ADAMTSL1: variants seen among roughly 807,000 people sequenced by gnomAD.
The protein encoded by ADAMTSL1 is ADAMTS like 1.
ADAMTSL1 carries 126 observed loss-of-function variants against 201.8 expected under a neutral mutation model. That is an observed-to-expected ratio of 0.62 (90% CI 0.54 to 0.72). The LOEUF is 0.72. Ranked by LOEUF, ADAMTSL1 falls within the 30% of genes least tolerant of loss-of-function variation. The pLI, the probability that ADAMTSL1 is intolerant of heterozygous loss-of-function variation, is 0.00. For missense variants in ADAMTSL1, 2,679 were observed against 2,277.8 expected (o/e 1.18, Z -3.59); for synonymous variants, 1,121 against 903.4 (o/e 1.24, Z -4.32).
At chr9:18,113,892 C>T (rs77888090) in intron 1 of ADAMTSL1, among the ~76,000 whole-genome samples, 2,473 of 152,076 alleles carry the variant, frequency 0.016, 77 homozygotes, top group African/African-American at 0.057. Flanking sequence ...AACTGAGGCA[C>T]AGAAAAGTGA....
At chr9:18,263,294 CATT>C (rs1831992767) in intron 2 of ADAMTSL1, among the ~76,000 whole-genome samples, 1 of 152,162 alleles carries the variant, frequency 6.6e-6, no homozygotes, top group Non-Finnish European at 1.5e-5. Context: ...GGAGATCTAA[CATT>C]ATTGAAACTC....
chr9:18,373,004 A>C (rs1227002181), intron 2 of ADAMTSL1, among the ~76,000 whole-genome samples: 1 of 152,204 alleles, frequency 6.6e-6, no homozygotes, highest in Admixed American at 6.5e-5. Context: ...TGAGGCTGGT[A>C]TCAGGGAAAG....
intron 2 of ADAMTSL1, among the ~76,000 whole-genome samples, chr9:18,394,744 A>G (rs888512589): frequency 5.3e-5 from 8 of 152,140 alleles, no homozygotes; most frequent in South Asian, 2.1e-4. Flanking sequence ...ATAGTTACCA[A>G]CTCTCCACTT....
intron 2 of ADAMTSL1, among the ~76,000 whole-genome samples, chr9:18,227,584 T>C (rs115848767): frequency 0.013 from 1,922 of 152,294 alleles, 37 homozygotes; most frequent in African/African-American, 0.044. Flanking sequence ...AAGATGGCCA[T>C]TTGTCCCCAG....
At chr9:17,947,770 G>A (rs539094760) in intron 1 of ADAMTSL1, among the ~76,000 whole-genome samples, 2 of 152,248 alleles carry the variant, frequency 1.3e-5, no homozygotes, top group African/African-American at 4.8e-5. Flanking sequence ...TAATGGCATT[G>A]CTTCATTTTT....
At chr9:18,809,030 G>A (rs72690587) in intron 20 of ADAMTSL1, among the ~76,000 whole-genome samples, 37,140 of 152,090 alleles carry the variant, frequency 0.24, 4,657 homozygotes, top group East Asian at 0.36. Flanking sequence ...TCTACTAGGC[G>A]CCAGGCCTAG....
intron 2 of ADAMTSL1, among the ~76,000 whole-genome samples, chr9:18,357,385 C>T (rs764849206): frequency 2.0e-5 from 3 of 151,998 alleles, no homozygotes; most frequent in Non-Finnish European, 2.9e-5. Flanking sequence ...TAATATGTTC[C>T]GTTTCACTTC....
rs373722967 is a variant in ADAMTSL1 at position 18,185,606 on chromosome 9, G to A, written c.207+21625G>A. Reference sequence around the variant, plus strand: ...AACAAAGACATTGCTACTTGAATCAGGTAGGTACTGATAGCAACGAGAGAA... The same window carrying A: ...AACAAAGACATTGCTACTTGAATCAAGTAGGTACTGATAGCAACGAGAGAA... On this transcript the variant is annotated intron_variant, in intron 2 of 29. Coordinates refer to the ADAMTSL1 transcript ENST00000680146. Among the ~76,000 whole-genome samples the A allele has an allele frequency of 6.6e-5, 10 of 152,206 alleles. No homozygotes were observed. The South Asian group carries it at 2.1e-3, about 32-fold the overall frequency.
At chr9:18,403,688 A>G (rs1165924958) in intron 2 of ADAMTSL1, among the ~76,000 whole-genome samples, 3 of 152,294 alleles carry the variant, frequency 2.0e-5, no homozygotes, top group East Asian at 3.9e-4. Context: ...GAGATCTGTG[A>G]TAGGTACAAT....
intron 2 of ADAMTSL1, among the ~76,000 whole-genome samples, chr9:18,508,337 T>C (rs1039995733): frequency 7.2e-5 from 11 of 152,170 alleles, no homozygotes; most frequent in African/African-American, 2.7e-4. Flanking sequence ...AGCCCTGTAT[T>C]TTCTCCTTTT....
intron 2 of ADAMTSL1, among the ~76,000 whole-genome samples, chr9:18,205,915 A>T: frequency 6.6e-6 from 1 of 151,888 alleles, no homozygotes; most frequent in Middle Eastern, 3.2e-3. Flanking sequence ...TTAGCCAGGC[A>T]TGATGGCATG....
chr9:18,254,785 G>GTATATA (rs1831618563), intron 2 of ADAMTSL1, among the ~76,000 whole-genome samples: 1 of 151,704 alleles, frequency 6.6e-6, no homozygotes, highest in African/African-American at 2.4e-5. Flanking sequence ...TATGTATAAA[G>GTATATA]TTATTAGCTA....
At chr9:18,836,490 G>T (rs1825315485) in intron 23 of ADAMTSL1, among the ~76,000 whole-genome samples, 1 of 151,958 alleles carries the variant, frequency 6.6e-6, no homozygotes, top group African/African-American at 2.4e-5. Context: ...GAACTGTTTT[G>T]GTTACTGTAG....
At chr9:18,629,373 G>A (rs1325186285) in intron 5 of ADAMTSL1, among the ~76,000 whole-genome samples, 1 of 152,090 alleles carries the variant, frequency 6.6e-6, no homozygotes, top group African/African-American at 2.4e-5. Context: ...TATGATGTTA[G>A]CTGTAGGTTT....
chr9:18,777,218 C>G lies in ADAMTSL1; in HGVS notation c.2989C>G (p.His997Asp), dbSNP rs200222226. Residue 997 changes from histidine to aspartate, a missense_variant, in exon 19 of 29, where the codon CAC (histidine) becomes GAC (aspartate). Coordinates refer to ENST00000380548, the MANE Select transcript of ADAMTSL1 (RefSeq NM_001040272.6). ...GAAGGAGGCCCTGCAGACCCACAAA[C>G]ACCAGAACGGGATCTTCTCCAACGG... is the stretch of plus-strand genomic sequence containing the variant. ...GPKEALQTHKHQNGIFSNGSK... is the reference protein window; with the variant it reads ...GPKEALQTHKDQNGIFSNGSK... 1 of 1,612,848 alleles carries G rather than the reference C, an allele frequency of 6.2e-7. No homozygotes were observed. The highest frequency in any genetic ancestry group is 8.5e-7 in the Non-Finnish European group (1 of 1,179,804).
chr9:18,146,052 T>C (rs1013668806), intron 1 of ADAMTSL1, among the ~76,000 whole-genome samples: 1 of 152,130 alleles, frequency 6.6e-6, no homozygotes, highest in African/African-American at 2.4e-5. Flanking sequence ...CCTATTAGAA[T>C]GACTAAAATC....
At chr9:18,620,023 T>TA (rs1564094126) in intron 4 of ADAMTSL1, among the ~76,000 whole-genome samples, 4 of 150,158 alleles carry the variant, frequency 2.7e-5, no homozygotes, top group East Asian at 3.9e-4. Context: ...TGATTTTTTT[T>TA]TTTTTTTTTT....
At chr9:18,450,509 T>C (rs1269273174) in intron 2 of ADAMTSL1, among the ~76,000 whole-genome samples, 2 of 152,110 alleles carry the variant, frequency 1.3e-5, no homozygotes, top group African/African-American at 2.4e-5. Flanking sequence ...GATGTGTTAA[T>C]ATGTAGCTGC....
rs577782043 is a variant in ADAMTSL1 at position 18,486,932 on chromosome 9, C to T, written c.63+12637C>T. ...CAATTACGAATCTTTACATGGGATGCCAGCAAATCTCTTTGCCCTGATTCT... is the reference window on the plus strand; with the variant it reads ...CAATTACGAATCTTTACATGGGATGTCAGCAAATCTCTTTGCCCTGATTCT... On this transcript the variant is annotated intron_variant, in intron 1 of 28. Transcript: ENST00000380548. 5.3e-5 allele frequency among the ~76,000 whole-genome samples: 8 copies of T among 152,302 alleles called. No homozygotes were observed. The South Asian group carries it at 1.7e-3, about 32-fold the overall frequency.
Sources: allele counts gnomAD v4.1 joint callset (sites outside exome capture counted in the v4.1 genomes callset), GRCh38; gene constraint gnomAD v4.1.1; transcripts MANE v1.5; gene names NCBI Gene and HGNC (gene_info 2026-07-23, HGNC 2026-07-21).